CACNA1C: variants seen among roughly 807,000 people sequenced by gnomAD.
The protein encoded by CACNA1C is voltage-dependent L-type calcium channel subunit alpha-1C.
Under a neutral mutation model 229.0 loss-of-function variants are expected in CACNA1C, and 30 were observed. The observed-to-expected ratio is 0.13, with a 90% CI of 0.10 to 0.18. The LOEUF (loss-of-function observed/expected upper bound fraction) is 0.18, where lower values mean the gene tolerates loss of function less well. CACNA1C is among the 10% of genes least tolerant of loss of function. The pLI is 1.00. For synonymous variants in CACNA1C, 1,114 were observed against 1,132.5 expected, an observed-to-expected ratio of 0.98 and a Z score of 0.33; for missense variants, 1,658 against 2,845.0, an observed-to-expected ratio of 0.58 and a Z score of 9.49.
chr12:2,061,940 T>C (rs942903041), intron 1 of CACNA1C, among the ~76,000 whole-genome samples: 3 of 152,248 alleles, frequency 2.0e-5, no homozygotes, highest in African/African-American at 4.8e-5. Context: ...GACAGTTCTG[T>C]GTAGCTCCCT....
intron 1 of CACNA1C, among the ~76,000 whole-genome samples, chr12:2,093,118 G>A (rs571258803): frequency 2.6e-5 from 4 of 152,348 alleles, no homozygotes; most frequent in South Asian, 2.1e-4. Flanking sequence ...GGCCACTTTC[G>A]TTTCAGGCCC....
rs2053868891 is a variant in CACNA1C at position 2,054,579 on chromosome 12, C to G, written c.49+968C>G. ...GAAACTTTCTCCCTCACCGCTCTCC[C>G]CCCATATTAACAAGTTGTTTTCTTG... On this transcript the variant is annotated intron_variant, in intron 1 of 46. Transcript: ENST00000399655. The surrounding 1 kb of genome is among the most constrained non-coding windows in gnomAD (Gnocchi z 5.5). 6.6e-6 allele frequency among the ~76,000 whole-genome samples: 1 copy of G among 152,168 alleles called. No homozygotes were observed. Among genetic ancestry groups the G allele is most frequent in the African/African-American group, 2.4e-5 (1 of 41,440 alleles).
intron 3 of CACNA1C, among the ~76,000 whole-genome samples, chr12:2,296,716 G>C (rs1280632281): frequency 1.3e-5 from 2 of 152,300 alleles, no homozygotes; most frequent in South Asian, 2.1e-4. Context: ...GGTTCTAAGG[G>C]AACCAAAGTA....
chr12:2,143,346 C>T (rs1278952203), intron 3 of CACNA1C, among the ~76,000 whole-genome samples: 1 of 151,058 alleles, frequency 6.6e-6, no homozygotes, highest in Non-Finnish European at 1.5e-5. Context: ...CTGTAATGTC[C>T]TAGGCCCTCA....
rs779670143 is a variant in CACNA1C at position 2,162,381 on chromosome 12, C to T, written c.477+41951C>T. On this transcript the variant is annotated intron_variant, in intron 3 of 46. Coordinates refer to ENST00000399655, the MANE Select transcript of CACNA1C (RefSeq NM_000719.7). The stretch of plus-strand genomic sequence containing the variant: ...TTTGTGTCTAGGGAAACAAGTCTGC[C>T]CCGTTTGCCTTCCACATGGAGGCTG... Among the ~76,000 whole-genome samples, 14 of 151,812 alleles carry T rather than the reference C, an allele frequency of 9.2e-5. 1 individual carries two copies. Among genetic ancestry groups the T allele is most frequent in the Non-Finnish European group, 1.9e-4 (13 of 68,008 alleles).
chr12:2,047,525 A>G (rs2051288490), intron 1 of CACNA1C, among the ~76,000 whole-genome samples: 1 of 152,228 alleles, frequency 6.6e-6, no homozygotes, highest in Admixed American at 6.5e-5. Context: ...TCTTCGCTGT[A>G]TTTAAAGTGC....
chr12:2,281,114 C>T (rs1354805736), intron 3 of CACNA1C, among the ~76,000 whole-genome samples: 1 of 119,748 alleles, frequency 8.4e-6, no homozygotes, highest in Non-Finnish European at 1.7e-5. Flanking sequence ...CCTCCCCCCG[C>T]CCCCACCCCA....
chr12:2,465,609 G>A (rs1232095412), intron 5 of CACNA1C, among the ~76,000 whole-genome samples: 1 of 152,204 alleles, frequency 6.6e-6, no homozygotes, highest in Non-Finnish European at 1.5e-5. Flanking sequence ...TGAGCAGACT[G>A]AGCTGGGTCT....
At chr12:2,267,872 G>A (rs1022592472) in intron 3 of CACNA1C, among the ~76,000 whole-genome samples, 3 of 152,176 alleles carry the variant, frequency 2.0e-5, no homozygotes, top group South Asian at 2.1e-4. Flanking sequence ...TGCTGGCCTC[G>A]CCAGTCCTTT....
At position 2,115,533 on chromosome 12, in the gene CACNA1C, T is replaced by C; in HGVS notation, c.359T>C (p.Ile120Thr). ...KNPIRRACIS[I>T]VEWKPFEIII... ...CCCATCCGGAGGGCCTGCATCAGCA[T>C]TGTCGAATGGAAATATCCTTTGTTC... The change falls in exon 2 of 47, where the codon ATT becomes ACT. Residue 120 changes from isoleucine to threonine, a missense_variant. Coordinates refer to ENST00000399655, the MANE Select transcript of CACNA1C (RefSeq NM_000719.7). The C allele has an allele frequency of 1.2e-6, 2 of 1,613,304 alleles. No individual in the cohort carries two copies. Among genetic ancestry groups the C allele is most frequent in the Non-Finnish European group, 1.7e-6 (2 of 1,179,830 alleles).
intron 3 of CACNA1C, among the ~76,000 whole-genome samples, chr12:2,187,731 G>A (rs1343201136): frequency 6.6e-6 from 1 of 152,232 alleles, no homozygotes; most frequent in Non-Finnish European, 1.5e-5. Context: ...ATTGGTTTGT[G>A]GGGTCCCTGC....
Position 2,677,659 on chromosome 12 carries a change from C to T in CACNA1C, c.4957-74C>T. 6.5e-7 allele frequency: 1 copy of T among 1,534,370 alleles called. No homozygotes were observed. The highest frequency in any genetic ancestry group is 1.2e-5 in the South Asian group (1 of 83,324). ...AGGGCCCTGGAGGGACAGGTCTTGG[C>T]CCGAGGCTGTGGCTGGCTGGGGAGC... On this transcript the variant is annotated intron_variant, in intron 40 of 46. Transcript: ENST00000399655. The surrounding 1 kb of genome is among the most constrained non-coding windows in gnomAD (Gnocchi z 7.4).
At chr12:2,380,048 A>G (rs1225558031) in intron 3 of CACNA1C, among the ~76,000 whole-genome samples, 1 of 149,358 alleles carries the variant, frequency 6.7e-6, no homozygotes, top group Non-Finnish European at 1.5e-5. Flanking sequence ...AAAAAAAGAC[A>G]TAATATTACC....
In CACNA1C at chr12:2,285,571, G is replaced by C. The variant is rs1269057536; in HGVS notation, c.478-163405G>C. On this transcript the variant is annotated intron_variant, in intron 3 of 46. Coordinates refer to ENST00000399655, the MANE Select transcript of CACNA1C (RefSeq NM_000719.7). The surrounding 1 kb of genome is among the most constrained non-coding windows in gnomAD (Gnocchi z 4.2). ...CCTTAAACACCTCCTCATCCCAGACGGGTTGACTTTCAATGAGAGGACTCT... is the reference window on the plus strand; with the variant it reads ...CCTTAAACACCTCCTCATCCCAGACCGGTTGACTTTCAATGAGAGGACTCT... Among the ~76,000 whole-genome samples the C allele has an allele frequency of 2.0e-5, 3 of 152,074 alleles. No homozygotes were observed. Among genetic ancestry groups the C allele is most frequent in the Non-Finnish European group, 4.4e-5 (3 of 68,024 alleles).
intron 13 of CACNA1C, among the ~76,000 whole-genome samples, chr12:2,568,730 A>T (rs2052676595): frequency 1.3e-5 from 2 of 152,102 alleles, no homozygotes; most frequent in Admixed American, 1.3e-4. Flanking sequence ...ATTCACAGAG[A>T]CAGAAAGCAG....
rs151274962 is a variant in CACNA1C, at chr12:2,296,126, G to C, written c.478-152850G>C. ...TAGAGTAAAGATGGAGAAATGCAAAGGGAGTGGGGAGCAGAGAGACGCTGA... is the reference window on the plus strand; with the variant it reads ...TAGAGTAAAGATGGAGAAATGCAAACGGAGTGGGGAGCAGAGAGACGCTGA... On this transcript the variant is annotated intron_variant, in intron 3 of 46. Transcript: ENST00000399655. Among the ~76,000 whole-genome samples, 336 of 152,344 alleles carry C rather than the reference G, an allele frequency of 2.2e-3. 3 individuals carry two copies. The highest frequency in any genetic ancestry group is 3.4e-3 in the Non-Finnish European group (230 of 68,042).
At chr12:2,258,464 TAAA>T (rs1240786182) in intron 3 of CACNA1C, among the ~76,000 whole-genome samples, 2 of 152,194 alleles carry the variant, frequency 1.3e-5, no homozygotes, top group African/African-American at 4.8e-5. Flanking sequence ...CTCAAGTTCT[TAAA>T]AAATGATGTG....
chr12:2,154,964 G>A (rs758103434), intron 3 of CACNA1C, among the ~76,000 whole-genome samples: 24 of 152,208 alleles, frequency 1.6e-4, no homozygotes, highest in Non-Finnish European at 3.2e-4. Context: ...TCTGAAAGCG[G>A]CCCATCCTGC....
At chr12:2,657,237 A>AAAG (rs1456509586) in intron 34 of CACNA1C, among the ~76,000 whole-genome samples, 1 of 152,220 alleles carries the variant, frequency 6.6e-6, no homozygotes, top group Non-Finnish European at 1.5e-5. Flanking sequence ...AAGTTTATAT[A>AAAG]AAGTCTAGAT....
Sources: gnomAD v4.1 joint callset for allele counts (sites outside exome capture counted in the v4.1 genomes callset) on GRCh38, gnomAD v4.1.1 for gene constraint, Gnocchi (gnomAD v3.1) non-coding constraint, MANE v1.5 for transcripts, NCBI Gene and HGNC (gene_info 2026-07-23, HGNC 2026-07-21) for gene names.